The following LACTB variants were observed in gnomAD, a reference collection of about 807,000 sequenced individuals.
LACTB encodes serine beta-lactamase-like protein LACTB, mitochondrial.
Under a neutral mutation model 50.2 loss-of-function variants are expected in LACTB, and 35 were observed. The observed-to-expected ratio is 0.70, with a 90% confidence interval of 0.53 to 0.92. The LOEUF (loss-of-function observed/expected upper bound fraction) is 0.92. Ranked by LOEUF, LACTB falls within the 40% of genes least tolerant of loss-of-function variation. The pLI is 0.00. For synonymous variants in LACTB, 252 were observed against 268.2 expected (o/e 0.94, Z 0.59); for missense variants, 664 against 691.8 (o/e 0.96, Z 0.45).
At chr15:63,127,331 A>G (rs1792405046) in intron 3 of LACTB, 22 bp from the exon 4 acceptor site, 2 of 1,491,940 alleles carry the variant, frequency 1.3e-6, no homozygotes, top group Non-Finnish European at 1.8e-6. Context: ...TTGTAATTGA[A>G]TTTTCATGTT....
chr15:63,136,392 A>G (rs1031987085), intron 5 of LACTB, among the ~76,000 whole-genome samples: 1 of 151,960 alleles, frequency 6.6e-6, no homozygotes. Context: ...AAGGGTCCCT[A>G]TCAGCTCTGA....
chr15:63,122,828 C>T, intron 2 of LACTB, 126 bp downstream of exon 2: 1 of 668,752 alleles, frequency 1.5e-6, no homozygotes. Context: ...GTAGAGAAAA[C>T]ATCTAACATA....
intron 5 of LACTB, among the ~76,000 whole-genome samples, chr15:63,138,888 TATATA>T (rs2141078265): frequency 6.9e-6 from 1 of 145,912 alleles, no homozygotes; most frequent in South Asian, 2.2e-4. Context: ...AAAAATACTA[TATATA>T]TATATTAGCT....
chr15:63,124,075 C>A (rs541588223), intron 2 of LACTB, among the ~76,000 whole-genome samples: 2 of 152,166 alleles, frequency 1.3e-5, no homozygotes, highest in African/African-American at 4.8e-5. Flanking sequence ...GACCACGGTC[C>A]GGCTGGCAAC....
At chr15:63,126,079 C>T (rs2037050396) in intron 2 of LACTB, 1 of 152,110 alleles carries the variant, frequency 6.6e-6, no homozygotes, top group African/African-American at 2.4e-5. Context: ...TAAGTTAGTA[C>T]ATAATTTTCC....
Position 63,121,911 on chromosome 15 carries a change from G to A in LACTB, c.40G>A (p.Ala14Thr). Residue 14 changes from alanine to threonine, a missense_variant, in exon 1 of 6, where the codon GCC (alanine) becomes ACC (threonine). Coordinates refer to ENST00000261893, the MANE Select transcript of LACTB (RefSeq NM_032857.5). ...GTCAGCAGTGACTGCCCGGGCTGCC[G>A]CCCCCGGGGGCTTGGCCTCAAGCTG... ...LMSAVTARAA[A>T]PGGLASSCGR... 3 of 1,418,282 alleles carry A rather than the reference G, an allele frequency of 2.1e-6. No homozygotes were observed. Among genetic ancestry groups the A allele is most frequent in the East Asian group, 2.8e-5 (1 of 35,442 alleles). The allele number at this position is 1,418,282 out of a possible 1,614,324, so 87.9% of individuals were successfully genotyped here.
In LACTB at chr15:63,127,606, G is replaced by T. The variant is rs758783221; in HGVS notation, c.869G>T (p.Gly290Val). ...PGKKKNDFEQGELYLREKFEN... is the reference protein window; with the variant it reads ...PGKKKNDFEQVELYLREKFEN... ...AAGAAAAAGAATGATTTTGAACAAG[G>T]CGAATTATATTTGAGAGAAAAGTTT... Residue 290 changes from glycine to valine, a missense_variant, in exon 4 of 6, where the codon GGC becomes GTC. Coordinates refer to ENST00000261893, the MANE Select transcript of LACTB (RefSeq NM_032857.5). The T allele has an allele frequency of 1.2e-6, 2 of 1,612,328 alleles. No homozygotes were observed. Among genetic ancestry groups the T allele is most frequent in the Non-Finnish European group, 1.7e-6 (2 of 1,179,148 alleles).
At chr15:63,139,991 C>A (rs1330046971) in intron 5 of LACTB, among the ~76,000 whole-genome samples, 1 of 151,884 alleles carries the variant, frequency 6.6e-6, no homozygotes, top group Non-Finnish European at 1.5e-5. Context: ...CCTGTGGTCC[C>A]AGCTGCTCAA....
rs755570176 is a variant in LACTB, at chr15:63,141,410, G to T, written c.1249G>T (p.Gly417Cys). The change falls in exon 6 of 6, where the codon GGT (glycine) becomes TGT (cysteine). Residue 417 changes from glycine to cysteine, a missense_variant. Gly to Cys is a radical substitution (Grantham distance 159). Coordinates refer to ENST00000261893, the MANE Select transcript of LACTB (RefSeq NM_032857.5). The stretch of plus-strand genomic sequence containing the variant: ...GAAATTTGGGAATGCAATGCTTTAT[G>T]GTTACCAAGTTGGGCTGTTTAAGAA... Reference protein sequence around the residue: ...LLKFGNAMLYGYQVGLFKNSN... With the variant: ...LLKFGNAMLYCYQVGLFKNSN... 29 of 1,614,156 alleles carry T rather than the reference G, an allele frequency of 1.8e-5. No individual in the cohort carries two copies. The highest frequency in any genetic ancestry group is 1.3e-4 in the East Asian group (6 of 44,888).
chr15:63,134,367 C>T (rs2037157321), intron 5 of LACTB, among the ~76,000 whole-genome samples: 1 of 152,074 alleles, frequency 6.6e-6, no homozygotes, highest in Admixed American at 6.6e-5. Context: ...AAGTTTAATT[C>T]CCCCTTGCAG....
chr15:63,136,306 G>C (rs2037176866), intron 5 of LACTB, among the ~76,000 whole-genome samples: 1 of 152,046 alleles, frequency 6.6e-6, no homozygotes, highest in African/African-American at 2.4e-5. Context: ...CAAAGTGTTG[G>C]GATTACAGGC....
Position 63,126,571 on chromosome 15 carries a change from T to G in LACTB, c.425-288T>G, listed in dbSNP as rs1175057332. Reference sequence around the variant, plus strand: ...AGAATACTTTATTTAAAATGTGGAATAACTCAGTTGTTTAGATAAGCTAAG... The same window carrying G: ...AGAATACTTTATTTAAAATGTGGAAGAACTCAGTTGTTTAGATAAGCTAAG... On this transcript the variant is annotated intron_variant, in intron 2 of 5. Coordinates refer to ENST00000261893, the MANE Select transcript of LACTB (RefSeq NM_032857.5). Among the ~76,000 whole-genome samples the G allele has an allele frequency of 2.0e-5, 3 of 152,238 alleles. No homozygotes were observed. In the East Asian group the frequency reaches 5.8e-4, roughly 29 times the overall value.
chr15:63,140,199 A>G (rs80010709), intron 5 of LACTB, among the ~76,000 whole-genome samples: 2 of 152,320 alleles, frequency 1.3e-5, no homozygotes, highest in East Asian at 1.9e-4. Context: ...TGGAATTACA[A>G]ATATAATCAG....
In LACTB at chr15:63,122,628, G is replaced by C. The variant is rs762270226; in HGVS notation, c.358-8G>C. 3.7e-6 allele frequency: 6 copies of C among 1,610,710 alleles called. No homozygotes were observed. In the Admixed American group the frequency reaches 8.3e-5, roughly 22 times the overall value. ...CGTAACTGTCGGTTCTTTCCCCTTC[G>C]GTCTTAGGATGAGGTGGGCGCACCG... On this transcript the variant is annotated splice_polypyrimidine_tract_variant and splice_region_variant and intron_variant, in intron 1 of 5. Transcript: ENST00000261893.
chr15:63,132,783 T>C (rs940880395), intron 5 of LACTB, among the ~76,000 whole-genome samples: 2 of 152,190 alleles, frequency 1.3e-5, no homozygotes, highest in African/African-American at 4.8e-5. Flanking sequence ...ATTGCACCAC[T>C]GCACTCCAGC....
intron 2 of LACTB, among the ~76,000 whole-genome samples, chr15:63,125,420 G>A (rs988623084): frequency 2.0e-5 from 3 of 151,894 alleles, no homozygotes; most frequent in Non-Finnish European, 4.4e-5. Context: ...CGCCTGCCTC[G>A]GCATCCCAAA....
chr15:63,141,894 T>C lies in LACTB; in HGVS notation c.*89T>C. The C allele has an allele frequency of 1.7e-6, 2 of 1,149,622 alleles. No homozygotes were observed. The highest frequency in any genetic ancestry group is 2.4e-6 in the Non-Finnish European group (2 of 821,488). The allele number at this position is 1,149,622 out of a possible 1,614,324, so 71.2% of individuals were successfully genotyped here. ...AAAACATGACATTTTTAAGAATAAA[T>C]TTGAAATAGAGTATAACTGAATGCA... On this transcript the variant is annotated 3_prime_UTR_variant, in exon 6 of 6. Coordinates refer to ENST00000261893, the MANE Select transcript of LACTB (RefSeq NM_032857.5).
intron 2 of LACTB, 95 bp from the exon 3 acceptor site, chr15:63,126,764 C>A (rs2037058080): frequency 1.5e-6 from 1 of 654,274 alleles, no homozygotes; most frequent in Non-Finnish European, 2.5e-6. Context: ...TTTAGATAAA[C>A]ACAGCATGTT....
intron 1 of LACTB, 195 bp from the exon 2 acceptor site, chr15:63,122,441 C>T: frequency 2.9e-6 from 2 of 681,270 alleles, no homozygotes; most frequent in South Asian, 3.6e-5. Context: ...CGGGGACCGC[C>T]CCTTCCCCCT....
Sources: allele counts gnomAD v4.1 joint callset (sites outside exome capture counted in the v4.1 genomes callset), GRCh38; gene constraint gnomAD v4.1.1; transcripts MANE v1.5; gene names NCBI Gene and HGNC (gene_info 2026-07-23, HGNC 2026-07-21).